The following ITGB8 variants were observed in gnomAD, a reference collection of about 807,000 sequenced individuals.
ITGB8 encodes integrin subunit beta 8.
Under a neutral mutation model 89.5 loss-of-function variants are expected in ITGB8, and 30 were observed. The observed-to-expected ratio is 0.34, with a 90% CI of 0.25 to 0.45. The LOEUF (loss-of-function observed/expected upper bound fraction) is 0.45, where lower values mean the gene tolerates loss of function less well. ITGB8 is among the 20% of genes least tolerant of loss of function. The pLI is 1.00. For missense variants in ITGB8, 836 were observed against 933.3 expected (o/e 0.90, Z 1.36); for synonymous variants, 335 against 320.4 (o/e 1.05, Z -0.49).
At position 20,331,648 on chromosome 7, in the gene ITGB8, A is replaced by T; in HGVS notation, c.-159A>T. 1 of 838,726 alleles carries T rather than the reference A, an allele frequency of 1.2e-6. No individual in the cohort carries two copies. The highest frequency in any genetic ancestry group is 1.7e-6 in the Non-Finnish European group (1 of 580,528). The allele number at this position is 838,726 out of a possible 1,614,324, so 52.0% of individuals were successfully genotyped here. Reference sequence around the variant, plus strand: ...TGCCGAGCGGTGCCCGGGCCCGCTTACCTGCACCGCTTGCTCCGAGCCGCG... The same window carrying T: ...TGCCGAGCGGTGCCCGGGCCCGCTTTCCTGCACCGCTTGCTCCGAGCCGCG... On this transcript the variant is annotated 5_prime_UTR_variant, in exon 1 of 14. Transcript: ENST00000222573.
intron 1 of ITGB8, among the ~76,000 whole-genome samples, chr7:20,356,444 T>A (rs1007869682): frequency 1.2e-4 from 19 of 152,194 alleles, no homozygotes; most frequent in African/African-American, 4.6e-4. Flanking sequence ...TAAACTTTAC[T>A]CTTAAGCATG....
intron 3 of ITGB8, among the ~76,000 whole-genome samples, chr7:20,370,779 T>G (rs1473943677): frequency 6.6e-6 from 1 of 151,882 alleles, no homozygotes; most frequent in Non-Finnish European, 1.5e-5. Context: ...CCTGGCAAAT[T>G]TGTTTTGTAT....
At chr7:20,379,414 A>C in intron 4 of ITGB8, 117 bp downstream of exon 4, 1 of 631,876 alleles carries the variant, frequency 1.6e-6, no homozygotes, top group Non-Finnish European at 2.3e-6. Context: ...AATAAGAATA[A>C]AAATATTTGG....
intron 1 of ITGB8, among the ~76,000 whole-genome samples, chr7:20,362,129 C>A (rs1407833024): frequency 6.6e-6 from 1 of 152,176 alleles, no homozygotes; most frequent in Non-Finnish European, 1.5e-5. Flanking sequence ...AAACACAGTT[C>A]CTCCCTCTCT....
At chr7:20,339,141 G>A (rs1458132730) in intron 1 of ITGB8, among the ~76,000 whole-genome samples, 4 of 148,984 alleles carry the variant, frequency 2.7e-5, no homozygotes, top group East Asian at 2.0e-4. Context: ...GCAGTGAGCC[G>A]AGATCGTGCC....
At chr7:20,382,873 C>T (rs1011980139) in intron 6 of ITGB8, among the ~76,000 whole-genome samples, 1 of 152,204 alleles carries the variant, frequency 6.6e-6, no homozygotes, top group Non-Finnish European at 1.5e-5. Context: ...TGTTGATTTT[C>T]AAGTTGACCA....
intron 4 of ITGB8, 44 bp downstream of exon 4, chr7:20,379,341 T>C: frequency 7.5e-7 from 1 of 1,340,590 alleles, no homozygotes; most frequent in Non-Finnish European, 9.9e-7. Context: ...ATTTTTTGCT[T>C]ATAAAATCTC....
intron 1 of ITGB8, among the ~76,000 whole-genome samples, chr7:20,354,759 T>C (rs972442720): frequency 2.0e-5 from 3 of 152,226 alleles, no homozygotes; most frequent in Non-Finnish European, 4.4e-5. Context: ...TTGAAAACTT[T>C]CACAGAAGCC....
intron 1 of ITGB8, among the ~76,000 whole-genome samples, chr7:20,338,175 A>G (rs1784637120): frequency 6.6e-6 from 1 of 152,216 alleles, no homozygotes; most frequent in South Asian, 2.1e-4. Flanking sequence ...GTCATTATGC[A>G]TATATATTTA....
At chr7:20,379,343 T>TA (rs1420120647) in intron 4 of ITGB8, 46 bp downstream of exon 4, 2 of 1,329,044 alleles carry the variant, frequency 1.5e-6, no homozygotes, top group Non-Finnish European at 2.0e-6. Context: ...TTTTTGCTTA[T>TA]AAAATCTCAC....
intron 2 of ITGB8, chr7:20,364,839 C>T (rs935955640): frequency 2.6e-5 from 4 of 152,214 alleles, no homozygotes; most frequent in African/African-American, 9.7e-5. Context: ...CCAGGTTTTT[C>T]TCTGTCAAGA....
intron 8 of ITGB8, among the ~76,000 whole-genome samples, chr7:20,395,197 T>C (rs1459464873): frequency 6.6e-6 from 1 of 152,216 alleles, no homozygotes; most frequent in Non-Finnish European, 1.5e-5. Context: ...CTTTTCTCAT[T>C]GACAGTCAAC....
Position 20,410,402 on chromosome 7 carries a change from T to C in ITGB8, c.*405T>C, listed in dbSNP as rs148967657. 6.2e-6 allele frequency: 1 copy of C among 161,770 alleles called. No homozygotes were observed. Among genetic ancestry groups the C allele is most frequent in the African/African-American group, 2.4e-5 (1 of 41,554 alleles). The allele number at this position is 161,770 out of a possible 1,614,324, so 10.0% of individuals were successfully genotyped here. A position where few individuals can be genotyped will look rare whatever the true frequency, so the allele number is the denominator to read the frequency against. ...GGTACAGTAATCCCTGCACTGGACATGTGAGGAAAAAAATAATCTGGCAAG... is the reference window on the plus strand; with the variant it reads ...GGTACAGTAATCCCTGCACTGGACACGTGAGGAAAAAAATAATCTGGCAAG... On this transcript the variant is annotated 3_prime_UTR_variant, in exon 14 of 14. Transcript: ENST00000222573.
In ITGB8 at chr7:20,401,858, C is replaced by T. The variant is rs1253429401; in HGVS notation, c.1419C>T (p.Asp473=). The T allele has an allele frequency of 6.2e-7, 1 of 1,614,002 alleles. No homozygotes were observed. Among genetic ancestry groups the T allele is most frequent in the South Asian group, 1.1e-5 (1 of 91,036 alleles). The change falls in exon 10 of 14, where the codon GAC becomes GAT. Residue 473 remains aspartate, a synonymous_variant. Coordinates refer to ENST00000222573, the MANE Select transcript of ITGB8 (RefSeq NM_002214.3). ...IHRNCSCQCE[D]NRGPKGKCVD... ...GAAACTGCAGCTGTCAGTGTGAGGA[C>T]AACAGAGGACCTAAAGGAAAGTGTG... is the stretch of plus-strand genomic sequence containing the variant.
At chr7:20,401,700 C>A in intron 9 of ITGB8, 21 bp from the exon 10 acceptor site, 1 of 1,423,452 alleles carries the variant, frequency 7.0e-7, no homozygotes, top group Non-Finnish European at 9.4e-7. Flanking sequence ...AAATATATTT[C>A]CTTTTTCCTC....
At chr7:20,383,803 C>A (rs1321455314) in intron 6 of ITGB8, among the ~76,000 whole-genome samples, 1 of 152,152 alleles carries the variant, frequency 6.6e-6, no homozygotes, top group South Asian at 2.1e-4. Context: ...TACATCAAGA[C>A]CTTTTACCTT....
At position 20,353,659 on chromosome 7, in the gene ITGB8, C is replaced by T. The variant is rs373086603; in HGVS notation, c.128-9978C>T. 4.9e-4 allele frequency among the ~76,000 whole-genome samples: 72 copies of T among 147,318 alleles called. 3 individuals are homozygous for T. Among genetic ancestry groups the T allele is most frequent in the African/African-American group, 1.8e-3 (67 of 36,952 alleles). ...TGTAAGAAAACGGTAATCGGCCGGG[C>T]GCGGTGGCTCACGCCTGTAATCCCA... On this transcript the variant is annotated intron_variant, in intron 1 of 13. Coordinates refer to ENST00000222573, the MANE Select transcript of ITGB8 (RefSeq NM_002214.3).
At chr7:20,402,502 T>C (rs1416548215) in intron 10 of ITGB8, among the ~76,000 whole-genome samples, 1 of 152,198 alleles carries the variant, frequency 6.6e-6, no homozygotes, top group Non-Finnish European at 1.5e-5. Context: ...GGTCACTCCC[T>C]CCAACTTGCT....
intron 1 of ITGB8, among the ~76,000 whole-genome samples, chr7:20,356,244 A>G (rs1310248372): frequency 2.0e-5 from 3 of 152,254 alleles, no homozygotes; most frequent in Admixed American, 6.5e-5. Flanking sequence ...ACCTCAAATC[A>G]AAACTTGGAA....
Sources: gnomAD v4.1 joint callset for allele counts (sites outside exome capture counted in the v4.1 genomes callset) on GRCh38, gnomAD v4.1.1 for gene constraint, MANE v1.5 for transcripts, NCBI Gene and HGNC (gene_info 2026-07-23, HGNC 2026-07-21) for gene names.